MAN2B2: variants seen among roughly 807,000 people sequenced by gnomAD.
The protein encoded by MAN2B2 is mannosidase alpha class 2B member 2.
MAN2B2 carries 106 observed loss-of-function variants against 117.1 expected under a neutral mutation model. The observed-to-expected ratio is 0.90, with a 90% confidence interval of 0.77 to 1.06. MAN2B2 has a LOEUF of 1.06. MAN2B2 is among the 50% of genes least tolerant of loss of function. The pLI is 0.00. For synonymous variants in MAN2B2, 544 were observed against 595.1 expected (o/e 0.91, Z 1.25); for missense variants, 1,326 against 1,381.4 (o/e 0.96, Z 0.64).
In MAN2B2 at chr4:6,598,296, G is replaced by A; in HGVS notation, c.1347G>A (p.Leu449=). ...CGGGGATGCTGGGCATGCGCAAGCT[G>A]ATGGCCTCCATCGTCCTAGATGAGC... The part of the protein sequence containing the change: ...LASGMLGMRK[L]MASIVLDELQ... Residue 449 remains leucine (L), a synonymous_variant, in exon 9 of 19, where the codon CTG becomes CTA. Coordinates refer to ENST00000285599, the MANE Select transcript of MAN2B2 (RefSeq NM_015274.3). 6.2e-7 allele frequency: 1 copy of A among 1,613,610 alleles called. No homozygotes were observed. Among genetic ancestry groups the A allele is most frequent in the Non-Finnish European group, 8.5e-7 (1 of 1,180,038 alleles).
chr4:6,600,525 C>A, intron 9 of MAN2B2, 98 bp from the exon 10 acceptor site: 1 of 1,430,802 alleles, frequency 7.0e-7, no homozygotes, highest in African/African-American at 1.4e-5. Context: ...CTGCATCTCA[C>A]CTACCTCAGT....
chr4:6,592,999 C>T (rs1466648465), intron 5 of MAN2B2, among the ~76,000 whole-genome samples, 174 bp from the exon 6 acceptor site: 4 of 152,164 alleles, frequency 2.6e-5, no homozygotes, highest in African/African-American at 7.2e-5. Context: ...AGTTGGCCTG[C>T]GTGAATGAGC....
chr4:6,599,397 T>C (rs1394121534), intron 9 of MAN2B2, among the ~76,000 whole-genome samples: 1 of 152,096 alleles, frequency 6.6e-6, no homozygotes, highest in Non-Finnish European at 1.5e-5. Flanking sequence ...GCATGGTGGC[T>C]CACACCTGTA....
intron 9 of MAN2B2, 130 bp from the exon 10 acceptor site, chr4:6,600,493 C>G: frequency 9.2e-7 from 1 of 1,089,324 alleles, no homozygotes; most frequent in Non-Finnish European, 1.3e-6. Context: ...CCCTTCCTGG[C>G]TCCCCTGGGA....
intron 11 of MAN2B2, among the ~76,000 whole-genome samples, chr4:6,606,111 G>T (rs906879659): frequency 8.5e-5 from 13 of 152,170 alleles, no homozygotes; most frequent in Admixed American, 8.5e-4. Context: ...AATGGAGAGG[G>T]GTACATGGCA....
chr4:6,587,463 C>T (rs1376410599), intron 4 of MAN2B2, among the ~76,000 whole-genome samples: 1 of 152,114 alleles, frequency 6.6e-6, no homozygotes, highest in African/African-American at 2.4e-5. Flanking sequence ...TTTCTTTAGG[C>T]CCCTCACAGG....
At chr4:6,605,018 C>G (rs765165756) in intron 10 of MAN2B2, 37 bp from the exon 11 acceptor site, 1 of 1,590,978 alleles carries the variant, frequency 6.3e-7, no homozygotes, top group Admixed American at 1.7e-5. Context: ...AGTGTGAGAG[C>G]TGACAGTTAA....
At chr4:6,598,382 GGCCCCTTT>G (rs766615549) in intron 9 of MAN2B2, 28 bp downstream of exon 9, 7 of 1,598,208 alleles carry the variant, frequency 4.4e-6, no homozygotes, top group Non-Finnish European at 6.0e-6. Flanking sequence ...GGGAGGCTGT[GGCCCCTTT>G]ATGAAGGGAG....
At chr4:6,590,625 G>A (rs1007082675) in intron 5 of MAN2B2, among the ~76,000 whole-genome samples, 7 of 152,164 alleles carry the variant, frequency 4.6e-5, no homozygotes, top group East Asian at 1.9e-4. Context: ...CTCAACCCCA[G>A]TGATCTCCCT....
chr4:6,609,708 C>T, intron 12 of MAN2B2, 90 bp from the exon 13 acceptor site: 1 of 1,311,962 alleles, frequency 7.6e-7, no homozygotes, highest in South Asian at 1.3e-5. Flanking sequence ...CCTGCCCTGC[C>T]CACCCTGCCC....
rs1727705085 is a variant in MAN2B2, at chr4:6,609,983, C to T, written c.2192C>T (p.Ser731Leu). ...CTAAACAGCCAGCAGGTCATCTACT[C>T]AGACAACAACGGCTACCAGATGCAG... ...TNLNSQQVIY[S>L]DNNGYQMQRR... The change falls in exon 13 of 19, where the codon TCA becomes TTA. Residue 731 changes from serine to leucine, a missense_variant. Coordinates refer to ENST00000285599, the MANE Select transcript of MAN2B2 (RefSeq NM_015274.3). The T allele has an allele frequency of 1.2e-6, 2 of 1,614,192 alleles. No homozygotes were observed. Among genetic ancestry groups the T allele is most frequent in the South Asian group, 1.1e-5 (1 of 91,086 alleles).
chr4:6,580,352 C>T (rs1324936126), intron 3 of MAN2B2, among the ~76,000 whole-genome samples: 1 of 152,174 alleles, frequency 6.6e-6, no homozygotes. Context: ...CAGCCGCCTG[C>T]TGTGGCTCCC....
At position 6,606,002 on chromosome 4, in the gene MAN2B2, G is replaced by A. The variant is rs796292993; in HGVS notation, c.1814+673G>A. On this transcript the variant is annotated intron_variant, in intron 11 of 18. Transcript: ENST00000285599. ...CAGCTGACCTCCCAAGAAAGACCTC[G>A]TGGCTGGTTTATCCTTCCTAGGCCA... 7.2e-5 allele frequency among the ~76,000 whole-genome samples: 11 copies of A among 152,290 alleles called. No homozygotes were observed. The South Asian group carries it at 1.7e-3, about 23-fold the overall frequency.
At chr4:6,576,754 C>T in intron 2 of MAN2B2, 30 bp downstream of exon 2, 1 of 1,609,982 alleles carries the variant, frequency 6.2e-7, no homozygotes, top group East Asian at 2.2e-5. Flanking sequence ...ACACAGTTGG[C>T]CCAGTATCCT....
rs754849457 is a variant in MAN2B2, at chr4:6,609,782, C to G, written c.2007-16C>G. On this transcript the variant is annotated splice_polypyrimidine_tract_variant and intron_variant, in intron 12 of 18. Transcript: ENST00000285599. The stretch of plus-strand genomic sequence containing the variant: ...GTTCCTGGAGCTTCACTTACTGATG[C>G]TCCCTTCTCCTCCAGGAACATGACA... The G allele has an allele frequency of 1.5e-5, 24 of 1,593,362 alleles. No individual in the cohort carries two copies. The highest frequency in any genetic ancestry group is 1.9e-5 in the Non-Finnish European group (22 of 1,167,896).
intron 9 of MAN2B2, 139 bp downstream of exon 9, chr4:6,598,493 G>A (rs904506783): frequency 1.5e-5 from 14 of 920,656 alleles, no homozygotes; most frequent in South Asian, 9.2e-5. Context: ...GTGAGAGCTC[G>A]GACAGGTGGC....
intron 5 of MAN2B2, among the ~76,000 whole-genome samples, chr4:6,591,287 TC>T (rs1368855567): frequency 2.0e-5 from 3 of 150,024 alleles, no homozygotes; most frequent in African/African-American, 7.4e-5. Context: ...GAGGGAGGGG[TC>T]CTCACCCTAA....
rs558950470 is a variant in MAN2B2 at position 6,600,825 on chromosome 4, G to T, written c.1539+69G>T. The T allele has an allele frequency of 4.9e-5, 78 of 1,578,936 alleles. No homozygotes were observed. The African/African-American group carries it at 9.1e-4, about 18-fold the overall frequency. ...GAACCTGCTCTGGGCCGGGCACATT[G>T]TCTCTTCTGACCCTGCAAGGGAGGC... On this transcript the variant is annotated intron_variant, in intron 10 of 18. Coordinates refer to ENST00000285599, the MANE Select transcript of MAN2B2 (RefSeq NM_015274.3).
At chr4:6,617,233 G>A in intron 16 of MAN2B2, 147 bp from the exon 17 acceptor site, 1 of 611,616 alleles carries the variant, frequency 1.6e-6, no homozygotes, top group Non-Finnish European at 2.9e-6. Flanking sequence ...AATTCACGAT[G>A]AGATTTGGTT....
Sources: gnomAD v4.1 joint callset for allele counts (sites outside exome capture counted in the v4.1 genomes callset) on GRCh38, gnomAD v4.1.1 for gene constraint, MANE v1.5 for transcripts, NCBI Gene and HGNC (gene_info 2026-07-23, HGNC 2026-07-21) for gene names.